GALNT18: variants seen among roughly 807,000 people sequenced by gnomAD.
The protein encoded by GALNT18 is GalNAc-transferase 18.
Under a neutral mutation model 69.5 loss-of-function variants are expected in GALNT18, and 44 were observed. That is an observed-to-expected ratio of 0.63 (90% CI 0.50 to 0.81). The LOEUF (loss-of-function observed/expected upper bound fraction) is 0.81, where lower values mean the gene tolerates loss of function less well. GALNT18 is among the 40% of genes least tolerant of loss of function. The probability of loss-of-function intolerance (pLI) is 0.00; values close to 1 mark genes in which losing one functional copy is unlikely to be tolerated. For missense variants in GALNT18, 715 were observed against 810.0 expected, an observed-to-expected ratio of 0.88 and a Z score of 1.42; for synonymous variants, 364 against 318.2, an observed-to-expected ratio of 1.14 and a Z score of -1.53.
rs1859101319 is a variant in GALNT18, at chr11:11,582,069, A to T, written c.235+39290T>A. ...TGTATACTGTGTATTAGGAAAAACC[A>T]AGCAGAGGCAGTGGGAAAGAGTAGA... is the stretch of plus-strand genomic sequence containing the variant. On this transcript the variant is annotated intron_variant, in intron 1 of 10. Transcript: ENST00000227756. The surrounding 1 kb of genome is among the most constrained non-coding windows in gnomAD (Gnocchi z 5.0). Among the ~76,000 whole-genome samples the T allele has an allele frequency of 6.6e-6, 1 of 152,052 alleles. No individual in the cohort carries two copies. The highest frequency in any genetic ancestry group is 1.5e-5 in the Non-Finnish European group (1 of 68,028).
intron 3 of GALNT18, among the ~76,000 whole-genome samples, chr11:11,380,689 G>T (rs573046151): frequency 6.6e-6 from 1 of 152,336 alleles, no homozygotes; most frequent in African/African-American, 2.4e-5. Flanking sequence ...ATGTGCAGGT[G>T]CTTGTGTGTG....
chr11:11,417,061 C>A (rs1037470449), intron 3 of GALNT18, among the ~76,000 whole-genome samples: 3 of 152,208 alleles, frequency 2.0e-5, no homozygotes, highest in African/African-American at 7.2e-5. Context: ...GACCAGGGAA[C>A]CTGATTCAAG....
intron 10 of GALNT18, among the ~76,000 whole-genome samples, chr11:11,287,746 T>A (rs1849219795): frequency 6.6e-6 from 1 of 152,156 alleles, no homozygotes; most frequent in Non-Finnish European, 1.5e-5. Context: ...ACTTCTAATA[T>A]TATGAAGTTT....
chr11:11,410,608 A>G (rs939116501), intron 3 of GALNT18, among the ~76,000 whole-genome samples: 1 of 152,164 alleles, frequency 6.6e-6, no homozygotes, highest in African/African-American at 2.4e-5. Context: ...AAACTTTCTC[A>G]AGATTTCTCA....
In GALNT18 at chr11:11,605,584, ACT is replaced by A. The variant is rs1337069425; in HGVS notation, c.235+15773_235+15774del. Among the ~76,000 whole-genome samples, 1 of 152,028 alleles carries A rather than the reference ACT, an allele frequency of 6.6e-6. No homozygotes were observed. Among genetic ancestry groups the A allele is most frequent in the Non-Finnish European group, 1.5e-5 (1 of 67,996 alleles). On this transcript the variant is annotated intron_variant, in intron 1 of 10. Transcript: ENST00000227756. The surrounding 1 kb of genome is among the most constrained non-coding windows in gnomAD (Gnocchi z 4.7). ...TCCCTTTACCTCTGGGGTCCCAAGC[ACT>A]CTGTTTCCTTTCTTGAAAATGAAGC... is the stretch of plus-strand genomic sequence containing the variant.
In GALNT18 at chr11:11,271,954, C is replaced by A. The variant is rs146712805; in HGVS notation, c.1678-664G>T. On this transcript the variant is annotated intron_variant, in intron 10 of 10. Coordinates refer to ENST00000227756, the MANE Select transcript of GALNT18 (RefSeq NM_198516.3). ...AAACCCCCAATTTTTGTAGTGAAAT[C>A]TTTTCAGGGCTTGGACCCTTTGGGT... is the stretch of plus-strand genomic sequence containing the variant. Among the ~76,000 whole-genome samples the A allele has an allele frequency of 4.4e-3, 668 of 152,306 alleles. 8 individuals carry two copies. Among genetic ancestry groups the A allele is most frequent in the African/African-American group, 0.015 (622 of 41,558 alleles).
intron 9 of GALNT18, among the ~76,000 whole-genome samples, chr11:11,325,364 G>T (rs1849899629): frequency 6.6e-6 from 1 of 152,116 alleles, no homozygotes; most frequent in Non-Finnish European, 1.5e-5. Flanking sequence ...TAGCAGGGAA[G>T]GTTGGGAGGA....
intron 1 of GALNT18, among the ~76,000 whole-genome samples, chr11:11,532,510 G>A (rs1564997762): frequency 6.6e-6 from 1 of 152,108 alleles, no homozygotes; most frequent in Non-Finnish European, 1.5e-5. Context: ...GCCACACGGT[G>A]GGCACTCAAT....
At chr11:11,458,382 T>C (rs1397227209) in intron 1 of GALNT18, among the ~76,000 whole-genome samples, 1 of 152,250 alleles carries the variant, frequency 6.6e-6, no homozygotes, top group Non-Finnish European at 1.5e-5. Context: ...CCATTTTAAA[T>C]GTACAATTCA....
At chr11:11,576,884 C>T (rs985771747) in intron 1 of GALNT18, among the ~76,000 whole-genome samples, 18 of 152,222 alleles carry the variant, frequency 1.2e-4, no homozygotes, top group Non-Finnish European at 1.5e-5. Context: ...ATGGTGTGAA[C>T]GCACACCTTT....
At chr11:11,518,094 T>C (rs972510888) in intron 1 of GALNT18, among the ~76,000 whole-genome samples, 1 of 152,144 alleles carries the variant, frequency 6.6e-6, no homozygotes, top group Non-Finnish European at 1.5e-5. Flanking sequence ...CAGAAGAGTG[T>C]CATCCTCAAA....
At chr11:11,527,087 T>C (rs1476317318) in intron 1 of GALNT18, among the ~76,000 whole-genome samples, 1 of 152,150 alleles carries the variant, frequency 6.6e-6, no homozygotes, top group Non-Finnish European at 1.5e-5. Context: ...TTGGCATTCC[T>C]GGCCAGGAAT....
At chr11:11,361,574 C>A (rs1313398664) in intron 6 of GALNT18, among the ~76,000 whole-genome samples, 3 of 152,162 alleles carry the variant, frequency 2.0e-5, no homozygotes, top group African/African-American at 7.2e-5. Flanking sequence ...ACAGGGAGCT[C>A]ACTGTATCAT....
chr11:11,414,531 C>A (rs1854808024), intron 3 of GALNT18, among the ~76,000 whole-genome samples: 1 of 152,200 alleles, frequency 6.6e-6, no homozygotes, highest in Non-Finnish European at 1.5e-5. Context: ...TCCTTCCATC[C>A]TTTAAAGCTC....
rs1859962247 is a variant in GALNT18 at position 11,613,444 on chromosome 11, C to T, written c.235+7915G>A. Reference sequence around the variant, plus strand: ...AGGGATTTCAAGGTTGTTACATTCCCTTGCATACTAATATGCCTTCTCAAG... The same window carrying T: ...AGGGATTTCAAGGTTGTTACATTCCTTTGCATACTAATATGCCTTCTCAAG... On this transcript the variant is annotated intron_variant, in intron 1 of 10. Transcript: ENST00000227756. The surrounding 1 kb of genome is among the most constrained non-coding windows in gnomAD (Gnocchi z 4.2). Among the ~76,000 whole-genome samples the T allele has an allele frequency of 6.6e-6, 1 of 152,232 alleles. No individual in the cohort carries two copies. Among genetic ancestry groups the T allele is most frequent in the African/African-American group, 2.4e-5 (1 of 41,464 alleles).
intron 6 of GALNT18, among the ~76,000 whole-genome samples, chr11:11,348,756 C>T (rs1018980465): frequency 3.3e-5 from 5 of 152,208 alleles, no homozygotes; most frequent in Non-Finnish European, 5.9e-5. Flanking sequence ...GCCCCTACCA[C>T]GTATACACTT....
rs1268435957 is a variant in GALNT18, at chr11:11,555,587, T to C, written c.235+65772A>G. On this transcript the variant is annotated intron_variant, in intron 1 of 10. Transcript: ENST00000227756. The surrounding 1 kb of genome is among the most constrained non-coding windows in gnomAD (Gnocchi z 4.7). The stretch of plus-strand genomic sequence containing the variant: ...GAACTATGAGAGAATAAATTCCTGT[T>C]GTTTTAAGCCACCCACTTTATTACA... Among the ~76,000 whole-genome samples, 1 of 152,230 alleles carries C rather than the reference T, an allele frequency of 6.6e-6. No individual in the cohort carries two copies. The highest frequency in any genetic ancestry group is 2.4e-5 in the African/African-American group (1 of 41,468).
intron 1 of GALNT18, among the ~76,000 whole-genome samples, chr11:11,577,662 C>T (rs1858959173): frequency 6.6e-6 from 1 of 152,178 alleles, no homozygotes; most frequent in Non-Finnish European, 1.5e-5. Context: ...CAAATCGATT[C>T]AGAAGGGCTG....
intron 3 of GALNT18, among the ~76,000 whole-genome samples, chr11:11,410,935 C>T (rs573850231): frequency 6.6e-6 from 1 of 152,326 alleles, no homozygotes; most frequent in Non-Finnish European, 1.5e-5. Flanking sequence ...AGACAGCCTC[C>T]TGCTAGGACA....
Sources: gnomAD v4.1 joint callset for allele counts (sites outside exome capture counted in the v4.1 genomes callset) on GRCh38, gnomAD v4.1.1 for gene constraint, Gnocchi (gnomAD v3.1) non-coding constraint, MANE v1.5 for transcripts, NCBI Gene and HGNC (gene_info 2026-07-23, HGNC 2026-07-21) for gene names.